U2SURP: variants seen among roughly 807,000 people sequenced by gnomAD.
U2SURP encodes U2 snRNP associated SURP domain containing.
Under a neutral mutation model 144.9 loss-of-function variants are expected in U2SURP, and 9 were observed. That is an observed-to-expected ratio of 0.06 (90% CI 0.04 to 0.11). U2SURP has a LOEUF of 0.11. Ranked by LOEUF, U2SURP falls within the 10% of genes least tolerant of loss-of-function variation. The pLI is 1.00. For missense variants in U2SURP, 724 were observed against 1,226.7 expected, an observed-to-expected ratio of 0.59 and a Z score of 6.12; for synonymous variants, 408 against 396.8, an observed-to-expected ratio of 1.03 and a Z score of -0.33.
chr3:143,022,944 G>A lies in U2SURP; in HGVS notation c.1110G>A (p.Met370Ile). 6.2e-7 allele frequency: 1 copy of A among 1,612,720 alleles called. No homozygotes were observed. The highest frequency in any genetic ancestry group is 8.5e-7 in the Non-Finnish European group (1 of 1,179,396). Reference sequence around the variant, plus strand: ...CAATATACATTCCGCCTTCTATGATGGAACATACGCTTCCCCCACCTCCAT... The same window carrying A: ...CAATATACATTCCGCCTTCTATGATAGAACATACGCTTCCCCCACCTCCAT... ...PHPIYIPPSM[M>I]EHTLPPPPSG... Residue 370 changes from methionine (M) to isoleucine (I), a missense_variant, in exon 12 of 28, where the codon ATG becomes ATA. Physicochemically the swap from Met to Ile is conservative, Grantham distance 10. This residue lies in a region of U2SURP where 64 missense variants were observed against 164.1 expected (regional missense o/e 0.39). Coordinates refer to ENST00000473835, the MANE Select transcript of U2SURP (RefSeq NM_001080415.2).
chr3:143,024,351 G>A (rs1933003906), intron 13 of U2SURP: 6 of 369,072 alleles, frequency 1.6e-5, no homozygotes, highest in Admixed American at 1.2e-4. Flanking sequence ...TTCAGATAAC[G>A]TTACAGTTTG....
At chr3:143,041,873 ATTGTTTGTAAGGAATT>A (rs543245528) in intron 23 of U2SURP, among the ~76,000 whole-genome samples, 1 of 152,138 alleles carries the variant, frequency 6.6e-6, no homozygotes, top group South Asian at 2.1e-4. Flanking sequence ...CACAGTCAAC[ATTGTTTGTAAGGAATT>A]TTGTTTGTAT....
rs1362970684 is a variant in U2SURP, at chr3:143,001,607, C to G, written c.-22C>G. On this transcript the variant is annotated 5_prime_UTR_variant, in exon 1 of 28. Coordinates refer to ENST00000473835, the MANE Select transcript of U2SURP (RefSeq NM_001080415.2). ...GACTCGCCCGTGCTGCTGCCGCCGC[C>G]GAAGGAGGGGCAAAGCTCAAGATGG... 3 of 1,613,716 alleles carry G rather than the reference C, an allele frequency of 1.9e-6. No individual in the cohort carries two copies. The highest frequency in any genetic ancestry group is 2.5e-6 in the Non-Finnish European group (3 of 1,179,816).
At chr3:143,052,422 AC>A (rs1397869017) in intron 25 of U2SURP, among the ~76,000 whole-genome samples, 2 of 152,106 alleles carry the variant, frequency 1.3e-5, no homozygotes, top group Non-Finnish European at 1.5e-5. Context: ...GATGCTACTT[AC>A]CTATACCCCA....
At chr3:143,007,444 A>ATTT (rs397877854) in intron 1 of U2SURP, among the ~76,000 whole-genome samples, 4,265 of 118,186 alleles carry the variant, frequency 0.036, 306 homozygotes, top group African/African-American at 0.13. Context: ...CTTTCAAGAG[A>ATTT]TTTTTTTTTT....
At chr3:143,028,924 A>G (rs563197775) in intron 16 of U2SURP, among the ~76,000 whole-genome samples, 1 of 152,280 alleles carries the variant, frequency 6.6e-6, no homozygotes, top group African/African-American at 2.4e-5. Flanking sequence ...TCAGATTCTT[A>G]CAGAAATTAT....
At chr3:143,004,488 C>T (rs1303639421) in intron 1 of U2SURP, among the ~76,000 whole-genome samples, 3 of 146,470 alleles carry the variant, frequency 2.0e-5, no homozygotes, top group East Asian at 2.1e-4. Flanking sequence ...CTCAGCCTCC[C>T]GAGTAGCTGG....
At chr3:143,014,437 T>C in intron 4 of U2SURP, 28 bp downstream of exon 4, 1 of 1,482,562 alleles carries the variant, frequency 6.7e-7, no homozygotes, top group Non-Finnish European at 9.3e-7. Flanking sequence ...TTTTGAATTA[T>C]CCTTGGAAAT....
rs769326087 is a variant in U2SURP at position 143,027,134 on chromosome 3, GTGT to G, written c.1275-5_1275-3del. 47 of 1,594,188 alleles carry G rather than the reference GTGT, an allele frequency of 2.9e-5. No homozygotes were observed. Among genetic ancestry groups the G allele is most frequent in the Middle Eastern group, 1.7e-4 (1 of 6,038 alleles). On this transcript the variant is annotated splice_polypyrimidine_tract_variant and intron_variant, in intron 13 of 27. Coordinates refer to ENST00000473835, the MANE Select transcript of U2SURP (RefSeq NM_001080415.2). ...AGGTCTGAATCCATTTTCTTTAACT[GTGT>G]TGTTGTTGTAGGAATTTGCTCGCCC...
intron 1 of U2SURP, among the ~76,000 whole-genome samples, chr3:143,006,473 C>T (rs188081757): frequency 1.2e-4 from 18 of 152,156 alleles, no homozygotes; most frequent in African/African-American, 3.1e-4. Flanking sequence ...CCATTTTTAG[C>T]GGCCGGGCAC....
chr3:143,036,237 G>A, intron 20 of U2SURP, 133 bp downstream of exon 20: 1 of 1,005,894 alleles, frequency 9.9e-7, no homozygotes, highest in Non-Finnish European at 1.3e-6. Flanking sequence ...ATTAAGTAGT[G>A]GATTTTTATT....
rs1935256768 is a variant in U2SURP at position 143,058,691 on chromosome 3, G to T, written c.*2241G>T. The T allele has an allele frequency of 6.6e-6, 1 of 151,766 alleles. No individual in the cohort carries two copies. The highest frequency in any genetic ancestry group is 1.9e-4 in the East Asian group (1 of 5,204). The allele number at this position is 151,766 out of a possible 1,614,324, so 9.4% of individuals were successfully genotyped here. A position where few individuals can be genotyped will look rare whatever the true frequency, so the allele number is the denominator to read the frequency against. On this transcript the variant is annotated 3_prime_UTR_variant, in exon 28 of 28. Coordinates refer to ENST00000473835, the MANE Select transcript of U2SURP (RefSeq NM_001080415.2). ...CATGGATTCTATGAAAGTTTAATGG[G>T]ATCAGAAATTGGTGACTTATAAGGG...
rs750834296 is a variant in U2SURP at position 143,012,172 on chromosome 3, A to G, written c.91-50A>G. 1.5e-5 allele frequency: 24 copies of G among 1,587,694 alleles called. No individual in the cohort carries two copies. The Middle Eastern group carries it at 6.7e-4, about 45-fold the overall frequency. The stretch of plus-strand genomic sequence containing the variant: ...TTATTCCTAGTTTTCAGTGCTATAT[A>G]TGTATATATGTGTGGTTTGTTTTTT... On this transcript the variant is annotated intron_variant, in intron 2 of 27. Transcript: ENST00000473835.
Position 143,010,886 on chromosome 3 carries a change from T to A in U2SURP, c.90+27T>A, listed in dbSNP as rs371478836. 7.3e-5 allele frequency: 116 copies of A among 1,583,314 alleles called. No individual in the cohort carries two copies. The African/African-American group carries it at 1.3e-3, about 17-fold the overall frequency. ...TGAGTATAGAAGGCAATCTTTGTCT[T>A]TTTTCCTTTAAAATTTAACTTCTCC... On this transcript the variant is annotated intron_variant, in intron 2 of 27. Transcript: ENST00000473835.
rs115486513 is a variant in U2SURP, at chr3:143,020,525, T to C, written c.639-74T>C. The stretch of plus-strand genomic sequence containing the variant: ...TTTCTAGTTATTTGATGATAGTAAT[T>C]TGATAAGCGCTATTCTGAAATGTGA... On this transcript the variant is annotated intron_variant, in intron 7 of 27. Coordinates refer to ENST00000473835, the MANE Select transcript of U2SURP (RefSeq NM_001080415.2). 736 of 948,848 alleles carry C rather than the reference T, an allele frequency of 7.8e-4. 7 individuals carry two copies. The African/African-American group carries it at 0.011, about 14-fold the overall frequency. The allele number at this position is 948,848 out of a possible 1,614,324, so 58.8% of individuals were successfully genotyped here. A position where few individuals can be genotyped will look rare whatever the true frequency, so the allele number is the denominator to read the frequency against.
At chr3:143,056,243 G>A (rs534741465) in intron 27 of U2SURP, 69 bp from the exon 28 acceptor site, 23 of 1,490,738 alleles carry the variant, frequency 1.5e-5, no homozygotes, top group South Asian at 3.9e-5. Flanking sequence ...ATTTTCGATC[G>A]TTTAAGGATA....
In U2SURP at chr3:143,023,002, C is replaced by T. The variant is rs749875853; in HGVS notation, c.1168C>T (p.Arg390Trp). Residue 390 changes from arginine (R) to tryptophan (W), a missense_variant, in exon 12 of 28, where the codon CGG becomes TGG. Transcript: ENST00000473835. The stretch of plus-strand genomic sequence containing the variant: ...GCCTTTTAATGCGCAGCCTAGAGAG[C>T]GGTTAAAAAACCCTAATGCTCCTAT... ...GLPFNAQPRE[R>W]LKNPNAPMLP... 6.2e-7 allele frequency: 1 copy of T among 1,611,264 alleles called. No individual in the cohort carries two copies. The highest frequency in any genetic ancestry group is 1.1e-5 in the South Asian group (1 of 90,484).
At chr3:143,041,596 A>G (rs754815525) in intron 23 of U2SURP, among the ~76,000 whole-genome samples, 10 of 151,986 alleles carry the variant, frequency 6.6e-5, no homozygotes, top group Non-Finnish European at 1.3e-4. Flanking sequence ...TTCTGAATTG[A>G]CAGCCTTTCT....
intron 1 of U2SURP, among the ~76,000 whole-genome samples, chr3:143,007,468 CAG>C (rs1457723447): frequency 8.2e-6 from 1 of 121,696 alleles, no homozygotes; most frequent in Admixed American, 9.4e-5. Flanking sequence ...TTTTTTGAGA[CAG>C]AGTCTCGCTC....
Sources: allele counts gnomAD v4.1 joint callset (sites outside exome capture counted in the v4.1 genomes callset), GRCh38; gene constraint gnomAD v4.1.1; regional missense constraint gnomAD v4.1.1; transcripts MANE v1.5; gene names NCBI Gene and HGNC (gene_info 2026-07-23, HGNC 2026-07-21).